Variants in CASZ1 observed in about 807,000 individuals in gnomAD.
The protein encoded by CASZ1 is castor zinc finger 1, also known as zinc finger protein castor homolog 1.
Under a neutral mutation model 135.2 loss-of-function variants are expected in CASZ1, and 28 were observed. The observed-to-expected ratio is 0.21, with a 90% CI of 0.15 to 0.28. The LOEUF is 0.28. CASZ1 is among the 10% of genes least tolerant of loss of function. The probability of loss-of-function intolerance (pLI) is 1.00; values close to 1 mark genes in which losing one functional copy is unlikely to be tolerated. For missense variants in CASZ1, 2,161 were observed against 2,453.3 expected, an observed-to-expected ratio of 0.88 and a Z score of 2.52; for synonymous variants, 1,068 against 1,073.4, an observed-to-expected ratio of 0.99 and a Z score of 0.10.
In CASZ1 at chr1:10,721,031, C is replaced by T. The variant is rs1200845383; in HGVS notation, c.-76-15487G>A. Reference sequence around the variant, plus strand: ...AAGCCACAGAGGGCCCTCATCCTGCCTCCTCGCCCGTAACTCTGGTGGGGG... The same window carrying T: ...AAGCCACAGAGGGCCCTCATCCTGCTTCCTCGCCCGTAACTCTGGTGGGGG... On this transcript the variant is annotated intron_variant, in intron 2 of 20. Transcript: ENST00000377022. The surrounding 1 kb of genome is among the most constrained non-coding windows in gnomAD (Gnocchi z 5.4). Among the ~76,000 whole-genome samples the T allele has an allele frequency of 6.6e-6, 1 of 152,194 alleles. No individual in the cohort carries two copies. The highest frequency in any genetic ancestry group is 1.5e-5 in the Non-Finnish European group (1 of 68,030).
In CASZ1 at chr1:10,649,280, C is replaced by A. The variant is rs1228525841; in HGVS notation, c.3035+3G>T. 3 of 1,600,444 alleles carry A rather than the reference C, an allele frequency of 1.9e-6. No homozygotes were observed. Among genetic ancestry groups the A allele is most frequent in the Non-Finnish European group, 2.6e-6 (3 of 1,172,986 alleles). On this transcript the variant is annotated splice_donor_region_variant and intron_variant, in intron 14 of 20. Coordinates refer to ENST00000377022, the MANE Select transcript of CASZ1 (RefSeq NM_001079843.3). ...TGGGTGGACGCGGCCAGCAGCCCCT[C>A]ACCTGCGCAGGTACACCTTCCAGGG...
intron 4 of CASZ1, among the ~76,000 whole-genome samples, chr1:10,670,860 C>T (rs1643376264): frequency 6.6e-6 from 1 of 152,190 alleles, no homozygotes; most frequent in South Asian, 2.1e-4. Flanking sequence ...GACCCGTCCC[C>T]TCCATCCCCT....
At chr1:10,684,107 G>A (rs969052320) in intron 4 of CASZ1, among the ~76,000 whole-genome samples, 3 of 150,334 alleles carry the variant, frequency 2.0e-5, no homozygotes, top group Non-Finnish European at 3.0e-5. Flanking sequence ...TCCTCCAAGG[G>A]AACTGATGAG....
chr1:10,787,046 G>A (rs1382269503), intron 1 of CASZ1, among the ~76,000 whole-genome samples: 1 of 152,184 alleles, frequency 6.6e-6, no homozygotes, highest in Non-Finnish European at 1.5e-5. Flanking sequence ...TGCCAACCAT[G>A]ATAAATTCTT....
chr1:10,656,887 G>T, intron 7 of CASZ1, 151 bp from the exon 8 acceptor site: 1 of 621,310 alleles, frequency 1.6e-6, no homozygotes, highest in Non-Finnish European at 2.9e-6. Flanking sequence ...GACTGGGCCT[G>T]GCGGGAATCC....
intron 2 of CASZ1, among the ~76,000 whole-genome samples, chr1:10,745,570 G>C (rs1203621447): frequency 6.6e-6 from 1 of 152,210 alleles, no homozygotes; most frequent in East Asian, 1.9e-4. Flanking sequence ...TGAACGTCCT[G>C]CTGTCAGTGT....
chr1:10,662,523 G>A (rs1287740735), intron 5 of CASZ1, among the ~76,000 whole-genome samples: 4 of 151,278 alleles, frequency 2.6e-5, no homozygotes, highest in Non-Finnish European at 2.9e-5. Flanking sequence ...CATGCACACA[G>A]TCACACACAA....
intron 4 of CASZ1, among the ~76,000 whole-genome samples, chr1:10,673,189 A>T (rs527463330): frequency 9.8e-5 from 15 of 152,298 alleles, no homozygotes; most frequent in African/African-American, 3.1e-4. Flanking sequence ...TGGTTTTTTT[A>T]AATAATTTAT....
Position 10,647,261 on chromosome 1 carries a change from T to C in CASZ1, c.3497+540A>G. On this transcript the variant is annotated intron_variant, in intron 16 of 20. Transcript: ENST00000377022. This position sits in a 1 kb window ranked among gnomAD's most constrained non-coding sequence, Gnocchi z 4.9. ...TATTGAGAACAGGAAGCCGCACACA[T>C]GACAATACAAAGTCACCGTTCTCCC... 3 of 997,598 alleles carry C rather than the reference T, an allele frequency of 3.0e-6. No individual in the cohort carries two copies. The highest frequency in any genetic ancestry group is 2.4e-6 in the Non-Finnish European group (2 of 836,312). The allele number at this position is 997,598 out of a possible 1,614,324, so 61.8% of individuals were successfully genotyped here. A position where few individuals can be genotyped will look rare whatever the true frequency, so the allele number is the denominator to read the frequency against.
intron 1 of CASZ1, among the ~76,000 whole-genome samples, chr1:10,783,083 C>T (rs1007001548): frequency 9.9e-5 from 15 of 152,148 alleles, no homozygotes; most frequent in Non-Finnish European, 1.8e-4. Context: ...GCACACAGGG[C>T]GCTGGGCAAT....
At chr1:10,702,769 A>G (rs987348610) in intron 3 of CASZ1, among the ~76,000 whole-genome samples, 1 of 152,338 alleles carries the variant, frequency 6.6e-6, no homozygotes, top group African/African-American at 2.4e-5. Context: ...AGAGATGTCA[A>G]TGGGGCCGAT....
At chr1:10,742,762 T>C (rs939914498) in intron 2 of CASZ1, among the ~76,000 whole-genome samples, 1 of 152,022 alleles carries the variant, frequency 6.6e-6, no homozygotes. Context: ...GGCAGGCGGA[T>C]CACTTGAGGT....
chr1:10,671,241 G>A (rs1319421628), intron 4 of CASZ1, among the ~76,000 whole-genome samples: 2 of 151,802 alleles, frequency 1.3e-5, no homozygotes, highest in African/African-American at 2.4e-5. Flanking sequence ...AAACAGGAAG[G>A]GGAGAAAAAA....
At chr1:10,693,771 CA>C in intron 4 of CASZ1, 102 bp downstream of exon 4, 2 of 956,600 alleles carry the variant, frequency 2.1e-6, no homozygotes, top group Non-Finnish European at 1.7e-6. Context: ...TCCCGGCCCC[CA>C]CCCGGCCCCG....
intron 2 of CASZ1, among the ~76,000 whole-genome samples, chr1:10,732,664 G>A (rs746705091): frequency 3.9e-5 from 6 of 152,158 alleles, no homozygotes; most frequent in Non-Finnish European, 8.8e-5. Flanking sequence ...AGGGGGAGAT[G>A]GTCCTACAAG....
At chr1:10,729,518 A>G (rs1345443061) in intron 2 of CASZ1, among the ~76,000 whole-genome samples, 1 of 152,180 alleles carries the variant, frequency 6.6e-6, no homozygotes, top group Non-Finnish European at 1.5e-5. Flanking sequence ...CCAAGAACTC[A>G]GCCCCTTCAG....
Position 10,709,278 on chromosome 1 carries a change from C to T in CASZ1, c.-76-3734G>A, listed in dbSNP as rs1209141510. On this transcript the variant is annotated intron_variant, in intron 2 of 20. Coordinates refer to ENST00000377022, the MANE Select transcript of CASZ1 (RefSeq NM_001079843.3). This position sits in a 1 kb window ranked among gnomAD's most constrained non-coding sequence, Gnocchi z 5.1. Reference sequence around the variant, plus strand: ...CTGTCGGGCTGCCCATCCGCCCCCGCACTCCACTGCGTCTCCTTCCCCCTG... The same window carrying T: ...CTGTCGGGCTGCCCATCCGCCCCCGTACTCCACTGCGTCTCCTTCCCCCTG... 4.6e-5 allele frequency among the ~76,000 whole-genome samples: 7 copies of T among 152,326 alleles called. No individual in the cohort carries two copies. Among genetic ancestry groups the T allele is most frequent in the Non-Finnish European group, 7.3e-5 (5 of 68,028 alleles).
chr1:10,793,989 T>C (rs75438587), intron 1 of CASZ1, among the ~76,000 whole-genome samples: 2,159 of 152,236 alleles, frequency 0.014, 59 homozygotes, highest in African/African-American at 0.048. Flanking sequence ...CCCGGCGCTT[T>C]GCGCTCGGGC....
intron 1 of CASZ1, among the ~76,000 whole-genome samples, chr1:10,790,413 CCT>C (rs1640935654): frequency 6.6e-6 from 1 of 152,196 alleles, no homozygotes; most frequent in African/African-American, 2.4e-5. Context: ...TGAATCTCCC[CCT>C]GAGCTCCCTC....
Sources: gnomAD v4.1 joint callset for allele counts (sites outside exome capture counted in the v4.1 genomes callset) on GRCh38, gnomAD v4.1.1 for gene constraint, Gnocchi (gnomAD v3.1) non-coding constraint, MANE v1.5 for transcripts, NCBI Gene and HGNC (gene_info 2026-07-23, HGNC 2026-07-21) for gene names.